The following KMT2B variants were observed in gnomAD, a reference collection of about 807,000 sequenced individuals.
KMT2B encodes the protein histone-lysine N-methyltransferase 2B.
A neutral mutation model predicts 255.3 loss-of-function variants in KMT2B; 22 were observed. The ratio of observed to expected loss-of-function variants is 0.09; its 90% CI spans 0.06 to 0.12. The LOEUF is 0.12. Ranked by LOEUF, KMT2B falls within the 10% of genes least tolerant of loss-of-function variation. The probability of loss-of-function intolerance (pLI) is 1.00; values close to 1 mark genes in which losing one functional copy is unlikely to be tolerated. For synonymous variants in KMT2B, 1,730 were observed against 1,498.1 expected, an observed-to-expected ratio of 1.15 and a Z score of -3.57; for missense variants, 3,149 against 3,737.0, an observed-to-expected ratio of 0.84 and a Z score of 4.10.
chr19:35,721,217 G>GC lies in KMT2B; in HGVS notation c.1874dup (p.Pro626SerfsTer50). On this transcript the variant is annotated frameshift_variant, in exon 3 of 37. Transcript: ENST00000420124. LOFTEE classifies it high-confidence loss of function. The stretch of plus-strand genomic sequence containing the variant: ...CCGGGAGCTGCCCCCTCCTCCCCCA[G>GC]CCCCTCCACCTCCCCCGGCCCCCTC... The GC allele has an allele frequency of 4.8e-5, 17 of 356,714 alleles. No individual in the cohort carries two copies. Among genetic ancestry groups the GC allele is most frequent in the Middle Eastern group, 9.7e-4 (1 of 1,026 alleles). The allele number at this position is 356,714 out of a possible 1,614,324, so 22.1% of individuals were successfully genotyped here.
chr19:35,721,206 C>CGCCG lies in KMT2B; in HGVS notation c.1859_1860insGCCG (p.Pro622SerfsTer55). On this transcript the variant is annotated frameshift_variant, in exon 3 of 37. Transcript: ENST00000420124. LOFTEE classifies it high-confidence loss of function. Reference sequence around the variant, plus strand: ...ACCTCACTGACCCGGGAGCTGCCCCCTCCTCCCCCAGCCCCTCCACCTCCC... The same window carrying CGCCG: ...ACCTCACTGACCCGGGAGCTGCCCCCGCCGTCCTCCCCCAGCCCCTCCACCTCCC... 3 of 1,532,362 alleles carry CGCCG rather than the reference C, an allele frequency of 2.0e-6. No homozygotes were observed. The highest frequency in any genetic ancestry group is 2.6e-6 in the Non-Finnish European group (3 of 1,138,452). 94.9% of individuals were successfully genotyped at this position (1,532,362 alleles called of 1,614,324 possible).
Position 35,733,316 on chromosome 19 carries a change from CA to C in KMT2B, c.6768del (p.Pro2258LeufsTer3). On this transcript the variant is annotated frameshift_variant, in exon 28 of 37. Transcript: ENST00000420124. LOFTEE classifies it high-confidence loss of function. The surrounding 1 kb of genome is among the most constrained non-coding windows in gnomAD (Gnocchi z 4.3). ...GTGGTCCGCCCTGCCCCGCCCCCGCCACCCCCTCCCCTGACGCTGGTGCTGA... is the reference window on the plus strand; with the variant it reads ...GTGGTCCGCCCTGCCCCGCCCCCGCCCCCCCTCCCCTGACGCTGGTGCTGA... ...VGVVRPAPPP[P>X]PPPLTLVLSS... 1 of 1,480,568 alleles carries C rather than the reference CA, an allele frequency of 6.8e-7. No homozygotes were observed. Among genetic ancestry groups the C allele is most frequent in the Non-Finnish European group, 9.2e-7 (1 of 1,088,140 alleles). The allele number at this position is 1,480,568 out of a possible 1,614,324, so 91.7% of individuals were successfully genotyped here.
In KMT2B at chr19:35,718,996, TAAC is replaced by T. The variant is rs1969073513; in HGVS notation, c.364-469_364-467del. ...GGGTTGCGTTGCCCTGGACGGTTAA[TAAC>T]AACCTGAGAGCTCGCAGTGGAGCCT... On this transcript the variant is annotated intron_variant, in intron 1 of 36. Coordinates refer to ENST00000420124, the MANE Select transcript of KMT2B (RefSeq NM_014727.3). The surrounding 1 kb of genome is among the most constrained non-coding windows in gnomAD (Gnocchi z 5.0). 6.6e-6 allele frequency among the ~76,000 whole-genome samples: 1 copy of T among 152,162 alleles called. No homozygotes were observed. The highest frequency in any genetic ancestry group is 1.5e-5 in the Non-Finnish European group (1 of 68,008).
chr19:35,720,316 C>A lies in KMT2B; in HGVS notation c.969C>A (p.Leu323=). The change falls in exon 3 of 37, where the codon CTC becomes CTA. Residue 323 remains leucine (L), a synonymous_variant. Transcript: ENST00000420124. Reference sequence around the variant, plus strand: ...AGATGGGACAATTGTCCTTGGGACTCGAATCAGGTCAAGGTCAAGGTCAAC... The same window carrying A: ...AGATGGGACAATTGTCCTTGGGACTAGAATCAGGTCAAGGTCAAGGTCAAC... The part of the protein sequence containing the change: ...KVKMGQLSLG[L]ESGQGQGQHE... The A allele has an allele frequency of 6.2e-7, 1 of 1,612,806 alleles. No individual in the cohort carries two copies. Among genetic ancestry groups the A allele is most frequent in the Non-Finnish European group, 8.5e-7 (1 of 1,179,508 alleles).
chr19:35,737,592 T>C lies in KMT2B; in HGVS notation c.7551-44T>C. ...ACCCCACCCATTTCCCTGTTAGCTC[T>C]GTCTTCAACAGTATATTCCTCCTTC... On this transcript the variant is annotated intron_variant, in intron 33 of 36. Coordinates refer to ENST00000420124, the MANE Select transcript of KMT2B (RefSeq NM_014727.3). This position sits in a 1 kb window ranked among gnomAD's most constrained non-coding sequence, Gnocchi z 5.3. 1 of 1,286,400 alleles carries C rather than the reference T, an allele frequency of 7.8e-7. No homozygotes were observed. The allele number at this position is 1,286,400 out of a possible 1,614,324, so 79.7% of individuals were successfully genotyped here.
In KMT2B at chr19:35,738,566, C is replaced by T. The variant is rs961267076; in HGVS notation, c.*9C>T. 21 of 1,608,736 alleles carry T rather than the reference C, an allele frequency of 1.3e-5. No individual in the cohort carries two copies. Among genetic ancestry groups the T allele is most frequent in the Non-Finnish European group, 1.8e-5 (21 of 1,176,180 alleles). On this transcript the variant is annotated 3_prime_UTR_variant, in exon 37 of 37. Transcript: ENST00000420124. This position sits in a 1 kb window ranked among gnomAD's most constrained non-coding sequence, Gnocchi z 8.7. ...GTCGGTTCCTTAACTGAGGCCGTGG[C>T]TGCCCACCACGACCCCTCACACCTC...
Position 35,721,214 on chromosome 19 carries a change from CCAGCCCCTCCACCTCCCCCGGCCCCCT to C in KMT2B, c.1869_1895del (p.Ala624_Ser632del). On this transcript the variant is annotated inframe_deletion, in exon 3 of 37. Transcript: ENST00000420124. Reference sequence around the variant, plus strand: ...GACCCGGGAGCTGCCCCCTCCTCCCCCAGCCCCTCCACCTCCCCCGGCCCCCTCCCCACCCCCTGCTCCTGCCACCTC... The same window carrying C: ...GACCCGGGAGCTGCCCCCTCCTCCCCCCCCACCCCCTGCTCCTGCCACCTC... The C allele has an allele frequency of 6.6e-7, 1 of 1,508,130 alleles. No homozygotes were observed. The highest frequency in any genetic ancestry group is 8.9e-7 in the Non-Finnish European group (1 of 1,119,774). 93.4% of individuals were successfully genotyped at this position (1,508,130 alleles called of 1,614,324 possible). A position where few individuals can be genotyped will look rare whatever the true frequency, so the allele number is the denominator to read the frequency against.
intron 30 of KMT2B, 145 bp downstream of exon 30, chr19:35,734,017 T>C (rs963388742): frequency 4.9e-6 from 3 of 616,540 alleles, no homozygotes; most frequent in African/African-American, 1.9e-5. Flanking sequence ...AGAGATGACC[T>C]TGGGGAGCCT....
In KMT2B at chr19:35,737,834, G is replaced by A. The variant is rs1180036124; in HGVS notation, c.7659-25G>A. On this transcript the variant is annotated intron_variant, in intron 34 of 36. Transcript: ENST00000420124. This position sits in a 1 kb window ranked among gnomAD's most constrained non-coding sequence, Gnocchi z 5.3. ...GAGAGGTCATTCTGAGCACCAGCCT[G>A]GGTGACACTGCTGTCCCTCACCAGA... 1 of 1,556,778 alleles carries A rather than the reference G, an allele frequency of 6.4e-7. No homozygotes were observed. The highest frequency in any genetic ancestry group is 1.9e-5 in the Admixed American group (1 of 51,606).
Position 35,737,272 on chromosome 19 carries a change from T to C in KMT2B, c.7550+9T>C. 6.7e-7 allele frequency: 1 copy of C among 1,494,132 alleles called. No homozygotes were observed. The highest frequency in any genetic ancestry group is 1.3e-5 in the South Asian group (1 of 74,680). 92.6% of individuals were successfully genotyped at this position (1,494,132 alleles called of 1,614,324 possible). A position where few individuals can be genotyped will look rare whatever the true frequency, so the allele number is the denominator to read the frequency against. The stretch of plus-strand genomic sequence containing the variant: ...GCAGAGGTCTATCTCCGGTGAGAGG[T>C]CTGGGGTGTGATGCCTGGGTCAGGG... On this transcript the variant is annotated intron_variant, in intron 33 of 36. Transcript: ENST00000420124. This position sits in a 1 kb window ranked among gnomAD's most constrained non-coding sequence, Gnocchi z 5.3.
At position 35,732,367 on chromosome 19, in the gene KMT2B, A is replaced by G; in HGVS notation, c.5818A>G (p.Arg1940Gly). ...TCCTCTAAAAACCTCCCCTCAGCTC[A>G]GGGTGCCCCCTCCTACCTCAGTCGT... is the stretch of plus-strand genomic sequence containing the variant. The part of the protein sequence containing the change: ...SPPLKTSPQL[R>G]VPPPTSVVTA... The change falls in exon 28 of 37, where the codon AGG becomes GGG. Residue 1940 changes from arginine (R) to glycine (G), a missense_variant. Arg to Gly is a moderately radical substitution (Grantham distance 125). Around this residue, in one of 18 missense-constraint regions of KMT2B, gnomAD observed 897 missense variants for 825.3 expected, o/e 1.09. Coordinates refer to ENST00000420124, the MANE Select transcript of KMT2B (RefSeq NM_014727.3). 1 of 1,612,716 alleles carries G rather than the reference A, an allele frequency of 6.2e-7. No individual in the cohort carries two copies. The highest frequency in any genetic ancestry group is 8.5e-7 in the Non-Finnish European group (1 of 1,179,354).
At chr19:35,726,836 T>C (rs1410950217) in intron 14 of KMT2B, among the ~76,000 whole-genome samples, 1 of 151,888 alleles carries the variant, frequency 6.6e-6, no homozygotes, top group Non-Finnish European at 1.5e-5. Context: ...ATACAAAAAT[T>C]AGCCGGGCAT....
Position 35,722,989 on chromosome 19 carries a change from C to G in KMT2B, c.2723-6C>G. ...TCCATCCCCTCCTCCCTGCCTGCTG[C>G]AATAGATACATCATCGGCGTCCGAG... On this transcript the variant is annotated splice_polypyrimidine_tract_variant and splice_region_variant and intron_variant, in intron 5 of 36. Coordinates refer to ENST00000420124, the MANE Select transcript of KMT2B (RefSeq NM_014727.3). 1 of 1,574,452 alleles carries G rather than the reference C, an allele frequency of 6.4e-7. No individual in the cohort carries two copies. Among genetic ancestry groups the G allele is most frequent in the Non-Finnish European group, 8.6e-7 (1 of 1,157,272 alleles).
intron 8 of KMT2B, among the ~76,000 whole-genome samples, chr19:35,724,268 A>C (rs1969339243): frequency 6.6e-6 from 1 of 152,178 alleles, no homozygotes; most frequent in African/African-American, 2.4e-5. Context: ...TGGGAGGCCA[A>C]GGTGGGAGGA....
intron 5 of KMT2B, 134 bp from the exon 6 acceptor site, chr19:35,722,861 A>G (rs772363676): frequency 3.4e-5 from 48 of 1,416,402 alleles, no homozygotes; most frequent in South Asian, 5.9e-5. Flanking sequence ...TAGGTCCTAG[A>G]GCAACTTCAT....
intron 9 of KMT2B, 96 bp from the exon 10 acceptor site, chr19:35,724,893 G>A: frequency 1.7e-6 from 2 of 1,156,968 alleles, no homozygotes; most frequent in Admixed American, 1.9e-5. Context: ...CTGGATCAGG[G>A]TCTGGGTCCA....
chr19:35,734,766 G>A (rs1011085020), intron 30 of KMT2B, among the ~76,000 whole-genome samples: 4 of 152,142 alleles, frequency 2.6e-5, no homozygotes, highest in Non-Finnish European at 4.4e-5. Context: ...GAGTGGCTGC[G>A]GCCAGGTAAG....
chr19:35,722,290 A>G, intron 3 of KMT2B, 69 bp from the exon 4 acceptor site: 1 of 1,466,820 alleles, frequency 6.8e-7, no homozygotes, highest in East Asian at 2.5e-5. Flanking sequence ...GGCATCAGCC[A>G]CCACACCCAG....
rs1650394228 is a variant in KMT2B at position 35,731,964 on chromosome 19, C to T, written c.5494C>T (p.Pro1832Ser). 6.2e-7 allele frequency: 1 copy of T among 1,613,688 alleles called. No homozygotes were observed. Residue 1832 changes from proline (P) to serine (S), a missense_variant, in exon 27 of 37, where the codon CCT (proline) becomes TCT (serine). Physicochemically the swap from Pro to Ser is moderately conservative, Grantham distance 74. Around this residue, in one of 18 missense-constraint regions of KMT2B, gnomAD observed 897 missense variants for 825.3 expected, o/e 1.09. Coordinates refer to ENST00000420124, the MANE Select transcript of KMT2B (RefSeq NM_014727.3). ...LDTDVLVPGA[P>S]ERHSPIQNLD... ...CACAGATGTTCTTGTCCCTGGAGCT[C>T]CTGAGCGCCACTCGCCCATTCAGAA...
Sources: allele counts gnomAD v4.1 joint callset (sites outside exome capture counted in the v4.1 genomes callset), GRCh38; gene constraint gnomAD v4.1.1; regional missense constraint gnomAD v4.1.1; non-coding constraint Gnocchi (gnomAD v3.1); transcripts MANE v1.5; gene names NCBI Gene and HGNC (gene_info 2026-07-23, HGNC 2026-07-21).